LOXL1: variants seen among roughly 807,000 people sequenced by gnomAD.
LOXL1 encodes the protein lysyl oxidase like 1.
A neutral mutation model predicts 62.2 loss-of-function variants in LOXL1; 31 were observed. The observed-to-expected ratio is 0.50, with a 90% confidence interval of 0.37 to 0.67. LOXL1 has a LOEUF of 0.67. LOXL1 is among the 30% of genes least tolerant of loss of function. The probability of loss-of-function intolerance (pLI) is 0.00; values close to 1 mark genes in which losing one functional copy is unlikely to be tolerated. For synonymous variants in LOXL1, 403 were observed against 384.4 expected, an observed-to-expected ratio of 1.05 and a Z score of -0.56; for missense variants, 775 against 843.4, an observed-to-expected ratio of 0.92 and a Z score of 1.00.
In LOXL1 at chr15:73,952,033, T is replaced by G. The variant is rs2068791819; in HGVS notation, c.*196T>G. On this transcript the variant is annotated 3_prime_UTR_variant, in exon 7 of 7. Transcript: ENST00000261921. ...GACCCCATTTTATACTTCACTTTTCTCTACAGTGTTGTTTTGTTGTTGTTG... is the reference window on the plus strand; with the variant it reads ...GACCCCATTTTATACTTCACTTTTCGCTACAGTGTTGTTTTGTTGTTGTTG... 1.4e-5 allele frequency: 6 copies of G among 416,080 alleles called. No homozygotes were observed. The highest frequency in any genetic ancestry group is 1.7e-5 in the Non-Finnish European group (4 of 236,152). The allele number at this position is 416,080 out of a possible 1,614,324, so 25.8% of individuals were successfully genotyped here.
At chr15:73,942,534 C>A (rs2068721126) in intron 1 of LOXL1, among the ~76,000 whole-genome samples, 1 of 152,050 alleles carries the variant, frequency 6.6e-6, no homozygotes, top group Non-Finnish European at 1.5e-5. Flanking sequence ...GCTGTTTTCC[C>A]TGCCGTGGAC....
At chr15:73,928,487 G>A (rs1194039102) in intron 1 of LOXL1, among the ~76,000 whole-genome samples, 1 of 152,030 alleles carries the variant, frequency 6.6e-6, no homozygotes, top group African/African-American at 2.4e-5. Context: ...GCAAGGCTGG[G>A]GCAAGAGAGA....
intron 2 of LOXL1, 190 bp from the exon 3 acceptor site, chr15:73,946,227 G>A: frequency 1.7e-6 from 1 of 583,100 alleles, no homozygotes; most frequent in Non-Finnish European, 3.1e-6. Flanking sequence ...ATTTCACGGG[G>A]TCAGAAGACA....
intron 1 of LOXL1, among the ~76,000 whole-genome samples, chr15:73,936,537 C>G (rs1371700585): frequency 1.3e-5 from 2 of 152,214 alleles, no homozygotes; most frequent in African/African-American, 2.4e-5. Context: ...CCAGTTCCTC[C>G]TGGACTTTGT....
At position 73,938,546 on chromosome 15, in the gene LOXL1, A is replaced by C. The variant is rs149218435; in HGVS notation, c.1103-4308A>C. ...GCCAACATGGTGAAACCCTGTCTCT[A>C]CTGAAAATACAAAAATTAGCCAGGC... is the stretch of plus-strand genomic sequence containing the variant. On this transcript the variant is annotated intron_variant, in intron 1 of 6. Transcript: ENST00000261921. Among the ~76,000 whole-genome samples, 547 of 152,230 alleles carry C rather than the reference A, an allele frequency of 3.6e-3. 1 individual carries two copies. Among genetic ancestry groups the C allele is most frequent in the African/African-American group, 0.012 (510 of 41,516 alleles).
At chr15:73,941,491 G>T (rs1415411567) in intron 1 of LOXL1, among the ~76,000 whole-genome samples, 2 of 152,186 alleles carry the variant, frequency 1.3e-5, no homozygotes, top group Non-Finnish European at 2.9e-5. Flanking sequence ...CTGATGAGAG[G>T]GTCTTGGCAG....
chr15:73,933,769 A>G (rs2068651519), intron 1 of LOXL1, among the ~76,000 whole-genome samples: 1 of 152,262 alleles, frequency 6.6e-6, no homozygotes, highest in Non-Finnish European at 1.5e-5. Context: ...GGGTCCGCCC[A>G]GGCGGCCCAC....
intron 1 of LOXL1, among the ~76,000 whole-genome samples, chr15:73,934,706 A>G (rs1030044949): frequency 6.6e-6 from 1 of 152,216 alleles, no homozygotes. Context: ...AAAGAGACAA[A>G]ATTCTTGCCC....
In LOXL1 at chr15:73,927,261, G is replaced by T. The variant is rs138183635; in HGVS notation, c.478G>T (p.Ala160Ser). 2 of 1,601,696 alleles carry T rather than the reference G, an allele frequency of 1.2e-6. No individual in the cohort carries two copies. The highest frequency in any genetic ancestry group is 8.5e-7 in the Non-Finnish European group (1 of 1,177,634). ...RHGGSASSVS[A>S]SAFASTYRQQ... ...CGGGGGCTCCGCCTCCTCGGTCTCG[G>T]CTTCGGCCTTCGCCAGCACCTACCG... Residue 160 changes from alanine to serine, a missense_variant, in exon 1 of 7, where the codon GCT becomes TCT. Physicochemically the swap from Ala to Ser is moderately conservative, Grantham distance 99. Transcript: ENST00000261921.
intron 1 of LOXL1, among the ~76,000 whole-genome samples, chr15:73,937,744 C>T (rs2068683974): frequency 1.3e-5 from 2 of 152,362 alleles, no homozygotes; most frequent in South Asian, 4.1e-4. Context: ...CTCCTGGGAG[C>T]AAGAAATTGA....
chr15:73,935,182 C>T (rs1330646165), intron 1 of LOXL1, among the ~76,000 whole-genome samples: 1 of 152,144 alleles, frequency 6.6e-6, no homozygotes, highest in East Asian at 1.9e-4. Flanking sequence ...CTAAACAGGG[C>T]CCCTGACTGC....
At position 73,946,553 on chromosome 15, in the gene LOXL1, C is replaced by G. The variant is rs1251794193; in HGVS notation, c.1348C>G (p.Gln450Glu). ...RHTWEWHSCHQHYHSMDEFSH... is the reference protein window; with the variant it reads ...RHTWEWHSCHEHYHSMDEFSH... The stretch of plus-strand genomic sequence containing the variant: ...CACCTGGGAGTGGCACAGCTGCCAC[C>G]AGTGAGTGGGGAGGGGCTGGGCCCG... The change falls in exon 3 of 7, where the codon CAG becomes GAG. Residue 450 changes from glutamine (Q) to glutamate (E), a missense_variant and splice_region_variant. By Grantham distance (29) the Gln-to-Glu change is conservative. Coordinates refer to ENST00000261921, the MANE Select transcript of LOXL1 (RefSeq NM_005576.4). The G allele has an allele frequency of 5.6e-6, 9 of 1,603,432 alleles. No individual in the cohort carries two copies. The Admixed American group carries it at 6.8e-5, about 12-fold the overall frequency.
At position 73,927,510 on chromosome 15, in the gene LOXL1, C is replaced by G. The variant is rs1210326005; in HGVS notation, c.727C>G (p.Leu243Val). 2.7e-6 allele frequency: 4 copies of G among 1,482,464 alleles called. No homozygotes were observed. Among genetic ancestry groups the G allele is most frequent in the Non-Finnish European group, 3.6e-6 (4 of 1,122,596 alleles). The allele number at this position is 1,482,464 out of a possible 1,614,324, so 91.8% of individuals were successfully genotyped here. A position where few individuals can be genotyped will look rare whatever the true frequency, so the allele number is the denominator to read the frequency against. The change falls in exon 1 of 7, where the codon CTG becomes GTG. Residue 243 changes from leucine (L) to valine (V), a missense_variant. Physicochemically the swap from Leu to Val is conservative, Grantham distance 32 (BLOSUM62 1). Coordinates refer to ENST00000261921, the MANE Select transcript of LOXL1 (RefSeq NM_005576.4). ...RYEEYGGGEE[L>V]PEYPPQGFYP... ...CGAGGAGTACGGCGGCGGCGAAGAG[C>G]TGCCCGAGTACCCGCCTCAGGGCTT... is the stretch of plus-strand genomic sequence containing the variant.
rs909960506 is a variant in LOXL1 at position 73,926,713 on chromosome 15, G to A, written c.-71G>A. The A allele has an allele frequency of 2.7e-5, 37 of 1,354,812 alleles. No homozygotes were observed. Among genetic ancestry groups the A allele is most frequent in the Non-Finnish European group, 3.2e-5 (34 of 1,049,172 alleles). The allele number at this position is 1,354,812 out of a possible 1,614,324, so 83.9% of individuals were successfully genotyped here. A position where few individuals can be genotyped will look rare whatever the true frequency, so the allele number is the denominator to read the frequency against. On this transcript the variant is annotated 5_prime_UTR_variant, in exon 1 of 7. Coordinates refer to ENST00000261921, the MANE Select transcript of LOXL1 (RefSeq NM_005576.4). ...AGCCTTCCTGTCCTCGAGGCCGTGG[G>A]AAGAGAAGCACGCCCAGGGGGCCAC...
intron 6 of LOXL1, among the ~76,000 whole-genome samples, chr15:73,950,479 G>A (rs1031469977): frequency 6.6e-6 from 1 of 152,200 alleles, no homozygotes; most frequent in Admixed American, 6.5e-5. Flanking sequence ...CCAGGGTCAG[G>A]ATTCAGTCTG....
chr15:73,927,378 G>C lies in LOXL1; in HGVS notation c.595G>C (p.Asp199His). 4 of 1,586,228 alleles carry C rather than the reference G, an allele frequency of 2.5e-6. No individual in the cohort carries two copies. The highest frequency in any genetic ancestry group is 3.4e-6 in the Non-Finnish European group (4 of 1,167,620). Residue 199 changes from aspartate to histidine, a missense_variant, in exon 1 of 7, where the codon GAC (aspartate) becomes CAC (histidine). Physicochemically the swap from Asp to His is moderately conservative, Grantham distance 81. Coordinates refer to ENST00000261921, the MANE Select transcript of LOXL1 (RefSeq NM_005576.4). ...ENYDPASRTY[D>H]QGFVYYRPAG... is the part of the protein sequence containing the mutation. ...CTACGACCCCGCGTCGCGGACCTAC[G>C]ACCAGGGTTTCGTGTACTACCGGCC...
chr15:73,948,695 G>T (rs1224982534), intron 5 of LOXL1, among the ~76,000 whole-genome samples: 1 of 152,142 alleles, frequency 6.6e-6, no homozygotes. Flanking sequence ...TCTTCAGCAG[G>T]CTCCAAGCTT....
chr15:73,928,210 A>G (rs2068606266), intron 1 of LOXL1: 1 of 308,280 alleles, frequency 3.2e-6, no homozygotes, highest in South Asian at 1.5e-4. Flanking sequence ...ATCTGAGGAC[A>G]AAAGGAAGGA....
intron 6 of LOXL1, among the ~76,000 whole-genome samples, chr15:73,950,422 G>A (rs891040553): frequency 5.3e-5 from 8 of 152,216 alleles, no homozygotes; most frequent in African/African-American, 1.9e-4. Flanking sequence ...ATGGATGGCA[G>A]GTATGAGAGA....
Sources: gnomAD v4.1 joint callset for allele counts (sites outside exome capture counted in the v4.1 genomes callset) on GRCh38, gnomAD v4.1.1 for gene constraint, MANE v1.5 for transcripts, NCBI Gene and HGNC (gene_info 2026-07-23, HGNC 2026-07-21) for gene names.